Variants in SORCS2 observed in about 807,000 individuals in gnomAD.
The protein encoded by SORCS2 is sortilin related VPS10 domain containing receptor 2, also known as VPS10 domain-containing receptor SorCS2.
A neutral mutation model predicts 141.6 loss-of-function variants in SORCS2; 100 were observed. That is an observed-to-expected ratio of 0.71 (90% CI 0.60 to 0.83). SORCS2 has a LOEUF of 0.83. SORCS2 is among the 40% of genes least tolerant of loss of function. The pLI, the probability that SORCS2 is intolerant of heterozygous loss-of-function variation, is 0.00. For synonymous variants in SORCS2, 789 were observed against 676.9 expected, an observed-to-expected ratio of 1.17 and a Z score of -2.57; for missense variants, 1,646 against 1,560.2, an observed-to-expected ratio of 1.05 and a Z score of -0.93.
intron 1 of SORCS2, among the ~76,000 whole-genome samples, chr4:7,392,874 A>G (rs2109103830): frequency 1.4e-5 from 2 of 144,686 alleles, no homozygotes; most frequent in Non-Finnish European, 3.0e-5. Flanking sequence ...TAATGTGAGA[A>G]CAGTAATATG....
intron 1 of SORCS2, among the ~76,000 whole-genome samples, chr4:7,344,630 C>T (rs1453329299): frequency 6.6e-6 from 1 of 152,132 alleles, no homozygotes; most frequent in African/African-American, 2.4e-5. Flanking sequence ...AGAGAGTGGA[C>T]ACTGAGGTGA....
chr4:7,737,203 C>A lies in SORCS2; in HGVS notation c.3415+31C>A. 4 of 1,550,176 alleles carry A rather than the reference C, an allele frequency of 2.6e-6. No individual in the cohort carries two copies. In the East Asian group the frequency reaches 7.3e-5, roughly 28 times the overall value. On this transcript the variant is annotated intron_variant, in intron 26 of 26. Coordinates refer to ENST00000507866, the MANE Select transcript of SORCS2 (RefSeq NM_020777.3). ...GAGTTTATAGATGATGATCTCGACT[C>A]GCAGACTCTAGGTAACGTCCGCCCC...
intron 3 of SORCS2, among the ~76,000 whole-genome samples, chr4:7,559,763 C>A (rs1714398155): frequency 6.6e-6 from 1 of 152,232 alleles, no homozygotes; most frequent in Admixed American, 6.5e-5. Flanking sequence ...GTTTCCCCCT[C>A]CGGGTGGTTG....
chr4:7,289,456 G>A (rs1490557547), intron 1 of SORCS2, among the ~76,000 whole-genome samples: 1 of 152,218 alleles, frequency 6.6e-6, no homozygotes, highest in East Asian at 1.9e-4. Flanking sequence ...GCCTAGCACT[G>A]AGTGGGTGCT....
At chr4:7,262,740 C>T (rs1714445370) in intron 1 of SORCS2, among the ~76,000 whole-genome samples, 1 of 152,128 alleles carries the variant, frequency 6.6e-6, no homozygotes, top group Admixed American at 6.5e-5. Context: ...GGCACACTGA[C>T]ACGACCTCCA....
intron 19 of SORCS2, 101 bp downstream of exon 19, chr4:7,723,984 C>T (rs1329535490): frequency 8.8e-6 from 12 of 1,362,404 alleles, no homozygotes; most frequent in African/African-American, 2.9e-5. Context: ...GCTCTAGGCC[C>T]CTGGTACTCA....
chr4:7,635,529 C>T (rs147686902), intron 3 of SORCS2, among the ~76,000 whole-genome samples: 3 of 152,316 alleles, frequency 2.0e-5, no homozygotes, highest in African/African-American at 4.8e-5. Flanking sequence ...ACTCATTTGT[C>T]ATTAACAGAA....
At chr4:7,619,294 A>G (rs17368333) in intron 3 of SORCS2, among the ~76,000 whole-genome samples, 32,437 of 152,154 alleles carry the variant, frequency 0.21, 3,562 homozygotes, top group African/African-American at 0.24. Flanking sequence ...AAGATCCAAC[A>G]TTGTTTCCCT....
intron 2 of SORCS2, among the ~76,000 whole-genome samples, chr4:7,526,248 C>T (rs73214619): frequency 0.015 from 2,221 of 152,376 alleles, 23 homozygotes; most frequent in African/African-American, 0.019. Flanking sequence ...AGACGCCCAT[C>T]GCCTTGGCAC....
intron 2 of SORCS2, among the ~76,000 whole-genome samples, chr4:7,470,366 CATCCTTCCATCCATCCATCT>C (rs903497478): frequency 3.4e-4 from 51 of 150,962 alleles, no homozygotes; most frequent in South Asian, 2.3e-3. Flanking sequence ...TCCATCCATC[CATCCTTCCATCCATCCATCT>C]ATCCTTCCAT....
In SORCS2 at chr4:7,505,058, C is replaced by T. The variant is rs568431949; in HGVS notation, c.549-26472C>T. Among the ~76,000 whole-genome samples, 4 of 152,246 alleles carry T rather than the reference C, an allele frequency of 2.6e-5. No homozygotes were observed. In the East Asian group the frequency reaches 5.8e-4, roughly 22 times the overall value. ...TGAAAAGGATGGAAACCTGGAGCGC[C>T]GGGAGGGATGGGGAGCAGGACTGTG... is the stretch of plus-strand genomic sequence containing the variant. On this transcript the variant is annotated intron_variant, in intron 2 of 26. Transcript: ENST00000507866.
chr4:7,725,348 T>C, intron 20 of SORCS2, 61 bp downstream of exon 20: 1 of 1,563,046 alleles, frequency 6.4e-7, no homozygotes, highest in Non-Finnish European at 8.7e-7. Context: ...AGCTGCACAG[T>C]GGGGCAGAGC....
chr4:7,293,305 A>T (rs1716739656), intron 1 of SORCS2, among the ~76,000 whole-genome samples: 2 of 150,542 alleles, frequency 1.3e-5, no homozygotes, highest in Non-Finnish European at 3.0e-5. Flanking sequence ...CTCCATCTAA[A>T]AAAAAAAAAA....
At chr4:7,702,868 G>A (rs1352103015) in intron 12 of SORCS2, among the ~76,000 whole-genome samples, 2 of 152,242 alleles carry the variant, frequency 1.3e-5, no homozygotes, top group Non-Finnish European at 2.9e-5. Flanking sequence ...GCTTCCTGGA[G>A]GAAATGGCAC....
intron 2 of SORCS2, among the ~76,000 whole-genome samples, chr4:7,446,856 G>A (rs1327123751): frequency 1.3e-5 from 2 of 152,242 alleles, no homozygotes; most frequent in African/African-American, 4.8e-5. Flanking sequence ...CTAAGCCATT[G>A]TGAATGTCAA....
At position 7,307,647 on chromosome 4, in the gene SORCS2, G is replaced by A. The variant is rs571967964; in HGVS notation, c.481-88641G>A. Among the ~76,000 whole-genome samples, 6 of 152,334 alleles carry A rather than the reference G, an allele frequency of 3.9e-5. No individual in the cohort carries two copies. In the East Asian group the frequency reaches 9.7e-4, roughly 25 times the overall value. On this transcript the variant is annotated intron_variant, in intron 1 of 26. Transcript: ENST00000507866. ...CTGGCATTTGCCATCAGAGGGAAGCGGCTGAGGGTGGGTGCTGACAACTGT... is the reference window on the plus strand; with the variant it reads ...CTGGCATTTGCCATCAGAGGGAAGCAGCTGAGGGTGGGTGCTGACAACTGT...
chr4:7,496,220 C>T (rs1009677627), intron 2 of SORCS2, among the ~76,000 whole-genome samples: 4 of 152,152 alleles, frequency 2.6e-5, no homozygotes, highest in African/African-American at 4.8e-5. Context: ...CCTCATCTCA[C>T]GACACCCTCC....
intron 1 of SORCS2, among the ~76,000 whole-genome samples, chr4:7,339,696 A>C (rs968333860): frequency 6.6e-6 from 1 of 152,200 alleles, no homozygotes; most frequent in Non-Finnish European, 1.5e-5. Context: ...TCTCCAAATA[A>C]GGGCACATTC....
intron 1 of SORCS2, among the ~76,000 whole-genome samples, chr4:7,256,883 A>G (rs1339911204): frequency 6.6e-6 from 1 of 151,922 alleles, no homozygotes; most frequent in Non-Finnish European, 1.5e-5. Context: ...GATCCAAGTG[A>G]ATTGAATCTC....
Sources: gnomAD v4.1 joint callset for allele counts (sites outside exome capture counted in the v4.1 genomes callset) on GRCh38, gnomAD v4.1.1 for gene constraint, MANE v1.5 for transcripts, NCBI Gene and HGNC (gene_info 2026-07-23, HGNC 2026-07-21) for gene names.